SDK1: variants seen among roughly 807,000 people sequenced by gnomAD.
The protein encoded by SDK1 is sidekick cell adhesion molecule 1.
A neutral mutation model predicts 245.5 loss-of-function variants in SDK1; 157 were observed. The ratio of observed to expected loss-of-function variants is 0.64; its 90% CI spans 0.56 to 0.73. SDK1 has a LOEUF of 0.73. Among genes scored for constraint, SDK1 ranks in the 30% least tolerant of loss-of-function variants. The pLI is 0.00. For synonymous variants in SDK1, 1,647 were observed against 1,278.5 expected (o/e 1.29, Z -6.15); for missense variants, 3,583 against 3,002.3 (o/e 1.19, Z -4.52).
intron 1 of SDK1, among the ~76,000 whole-genome samples, chr7:3,501,627 C>G (rs907041669): frequency 2.0e-5 from 3 of 152,078 alleles, no homozygotes; most frequent in African/African-American, 7.2e-5. Context: ...TTTTCTTAAT[C>G]CATTTCATTT....
At chr7:3,956,403 G>C (rs528972110) in intron 7 of SDK1, among the ~76,000 whole-genome samples, 1 of 152,302 alleles carries the variant, frequency 6.6e-6, no homozygotes, top group South Asian at 2.1e-4. Context: ...GCAGCCGCTG[G>C]GTTAGAATAC....
chr7:3,840,775 GCGAGCCT>G (rs1413919248), intron 5 of SDK1, among the ~76,000 whole-genome samples: 2 of 152,168 alleles, frequency 1.3e-5, no homozygotes, highest in Non-Finnish European at 2.9e-5. Context: ...TCCGAGAATC[GCGAGCCT>G]CGCCTGACTT....
At chr7:3,784,126 G>C (rs1286093108) in intron 4 of SDK1, among the ~76,000 whole-genome samples, 1 of 117,138 alleles carries the variant, frequency 8.5e-6, no homozygotes, top group Admixed American at 9.0e-5. Flanking sequence ...TCCCTATATT[G>C]CCCAGGCTAG....
At chr7:4,229,788 G>A (rs939826760) in intron 40 of SDK1, among the ~76,000 whole-genome samples, 7 of 152,042 alleles carry the variant, frequency 4.6e-5, no homozygotes, top group Admixed American at 4.6e-4. Context: ...ACATAAAATT[G>A]TCTATCTTTT....
chr7:3,750,603 T>TGGG (rs1237704722), intron 4 of SDK1, among the ~76,000 whole-genome samples: 13 of 152,148 alleles, frequency 8.5e-5, no homozygotes, highest in African/African-American at 3.1e-4. Flanking sequence ...AGGAGTAGTG[T>TGGG]GGGGGTCAGC....
intron 1 of SDK1, among the ~76,000 whole-genome samples, chr7:3,499,978 T>A (rs1782146805): frequency 6.6e-6 from 1 of 152,142 alleles, no homozygotes; most frequent in Non-Finnish European, 1.5e-5. Context: ...GGCTGGGAAT[T>A]GACGGAGATA....
intron 5 of SDK1, among the ~76,000 whole-genome samples, chr7:3,936,869 T>A (rs1239928537): frequency 6.6e-6 from 1 of 151,864 alleles, no homozygotes; most frequent in Non-Finnish European, 1.5e-5. Context: ...GGGGACGAGT[T>A]AGGAATGGAG....
At chr7:3,321,843 C>T (rs1191953751) in intron 1 of SDK1, among the ~76,000 whole-genome samples, 1,873 of 131,030 alleles carry the variant, frequency 0.014, 102 homozygotes, top group African/African-American at 0.054. Flanking sequence ...TTTTCTCTCT[C>T]TCTCTCTCTC....
chr7:4,096,859 A>G (rs1782180092), intron 22 of SDK1, among the ~76,000 whole-genome samples: 1 of 152,016 alleles, frequency 6.6e-6, no homozygotes, highest in Non-Finnish European at 1.5e-5. Flanking sequence ...CGCTGTGGTC[A>G]GAGAACCCAG....
intron 5 of SDK1, among the ~76,000 whole-genome samples, chr7:3,826,414 T>C (rs767061926): frequency 3.8e-4 from 58 of 152,224 alleles, no homozygotes; most frequent in Non-Finnish European, 7.5e-4. Context: ...AAAATTCTTA[T>C]GACATCTGGT....
At chr7:3,302,016 AGGGAGCCCAG>A (rs1452987402) in intron 1 of SDK1, 132 bp downstream of exon 1, 1 of 591,788 alleles carries the variant, frequency 1.7e-6, no homozygotes, top group African/African-American at 2.0e-5. Context: ...TGGGGGCTCT[AGGGAGCCCAG>A]GGGCTCCTCC....
intron 25 of SDK1, among the ~76,000 whole-genome samples, chr7:4,125,343 A>AGACG (rs1784323360): frequency 7.6e-6 from 1 of 131,456 alleles, no homozygotes; most frequent in Non-Finnish European, 1.6e-5. Flanking sequence ...ATGAATGAAT[A>AGACG]GATGGATGGA....
At chr7:3,584,948 T>A (rs368227157) in intron 1 of SDK1, among the ~76,000 whole-genome samples, 1 of 152,030 alleles carries the variant, frequency 6.6e-6, no homozygotes, top group South Asian at 2.1e-4. Flanking sequence ...ATGGTCCCGA[T>A]CTCCTGACCT....
At chr7:4,111,426 T>G (rs1783336976) in intron 23 of SDK1, among the ~76,000 whole-genome samples, 1 of 152,112 alleles carries the variant, frequency 6.6e-6, no homozygotes, top group African/African-American at 2.4e-5. Context: ...TTTCATACGA[T>G]TGGAGAATGA....
intron 19 of SDK1, among the ~76,000 whole-genome samples, chr7:4,056,153 A>ATTTTTTTTTTTT (rs34368464): frequency 7.0e-6 from 1 of 142,364 alleles, no homozygotes; most frequent in African/African-American, 2.6e-5. Flanking sequence ...AATAATCTCA[A>ATTTTTTTTTTTT]TTTTTTTTTT....
At chr7:3,937,193 T>G (rs1282352756) in intron 5 of SDK1, among the ~76,000 whole-genome samples, 1 of 152,098 alleles carries the variant, frequency 6.6e-6, no homozygotes, top group African/African-American at 2.4e-5. Flanking sequence ...AAGGACAGCC[T>G]TGTCCCAAGG....
chr7:3,526,949 C>T (rs1281579017), intron 1 of SDK1, among the ~76,000 whole-genome samples: 1 of 152,106 alleles, frequency 6.6e-6, no homozygotes, highest in Non-Finnish European at 1.5e-5. Flanking sequence ...AATGTTCAGA[C>T]AGGAGGTTGT....
chr7:3,691,039 A>G (rs1002193048), intron 4 of SDK1, among the ~76,000 whole-genome samples: 3 of 152,202 alleles, frequency 2.0e-5, no homozygotes, highest in Admixed American at 2.0e-4. Context: ...AATTATTTGG[A>G]AGAAAAAATT....
rs774509105 is a variant in SDK1, at chr7:3,987,216, G to A, written c.2025G>A (p.Leu675=). 1.2e-6 allele frequency: 2 copies of A among 1,614,024 alleles called. No homozygotes were observed. The highest frequency in any genetic ancestry group is 4.5e-5 in the East Asian group (2 of 44,872). The change falls in exon 14 of 45, where the codon CTG becomes CTA. Residue 675 remains leucine (L), a synonymous_variant. Transcript: ENST00000404826. The stretch of plus-strand genomic sequence containing the variant: ...TGCCTCATTCACCTCAGAACCTCCT[G>A]GTCAGCCCTAATTCTTCCCACAGCC... ...IELPHSPQNL[L]VSPNSSHSHA...
Sources: gnomAD v4.1 joint callset for allele counts (sites outside exome capture counted in the v4.1 genomes callset) on GRCh38, gnomAD v4.1.1 for gene constraint, MANE v1.5 for transcripts, NCBI Gene and HGNC (gene_info 2026-07-23, HGNC 2026-07-21) for gene names.